The following XKR9 variants were observed in gnomAD, a reference collection of about 807,000 sequenced individuals.
XKR9 encodes XK related 9.
XKR9 carries 32 observed loss-of-function variants against 32.0 expected under a neutral mutation model. That is an observed-to-expected ratio of 1.00 (90% CI 0.76 to 1.34). The LOEUF (loss-of-function observed/expected upper bound fraction) is 1.34. Ranked by LOEUF, XKR9 falls within the 40% of genes most tolerant of loss-of-function variation. The probability of loss-of-function intolerance (pLI) is 0.00; values close to 1 mark genes in which losing one functional copy is unlikely to be tolerated. For synonymous variants in XKR9, 168 were observed against 143.4 expected (o/e 1.17, Z -1.22); for missense variants, 546 against 429.7 (o/e 1.27, Z -2.39).
At chr8:70,886,218 A>G in the XKR9 span, among the ~76,000 whole-genome samples, 17 of 152,036 alleles carry the variant, frequency 1.1e-4, no homozygotes, top group Admixed American at 9.8e-4. Flanking sequence ...AAGGACATGA[A>G]CTCATCTTTT....
the XKR9 span, among the ~76,000 whole-genome samples, chr8:70,965,384 A>G: frequency 6.6e-6 from 1 of 152,172 alleles, no homozygotes; most frequent in Non-Finnish European, 1.5e-5. Context: ...GTTGATGTTT[A>G]TCAGAGATAT....
the XKR9 span, among the ~76,000 whole-genome samples, chr8:71,056,934 A>T: frequency 6.6e-6 from 1 of 152,212 alleles, no homozygotes; most frequent in Non-Finnish European, 1.5e-5. Context: ...TGAGAATCTT[A>T]CTTATTATCC....
chr8:70,865,160 G>A, the XKR9 span, among the ~76,000 whole-genome samples: 48,533 of 152,018 alleles, frequency 0.32, 9,107 homozygotes, highest in Non-Finnish European at 0.43. Flanking sequence ...ATTTGCTAGT[G>A]AAGAGTTTAC....
chr8:70,859,038 C>A, the XKR9 span, among the ~76,000 whole-genome samples: 1 of 151,894 alleles, frequency 6.6e-6, no homozygotes, highest in East Asian at 1.9e-4. Flanking sequence ...TTCTGCACAG[C>A]AAAGGAAACA....
chr8:70,804,853 G>A, the XKR9 span, among the ~76,000 whole-genome samples: 2 of 152,056 alleles, frequency 1.3e-5, no homozygotes, highest in African/African-American at 4.8e-5. Flanking sequence ...TTTTGGATTG[G>A]TAAAATCAAT....
At chr8:70,790,421 TAGTC>T (rs1807749912), downstream of XKR9, 1 of 152,150 alleles carries the variant, frequency 6.6e-6, no homozygotes, top group African/African-American at 2.4e-5. Flanking sequence ...ATTTTGTACT[TAGTC>T]ATTCTCATTT....
the XKR9 span, among the ~76,000 whole-genome samples, chr8:70,926,512 T>C: frequency 6.6e-6 from 1 of 152,236 alleles, no homozygotes; most frequent in Non-Finnish European, 1.5e-5. Context: ...TTATAAAATA[T>C]TTATGATGCT....
the XKR9 span, among the ~76,000 whole-genome samples, chr8:70,841,710 C>G: frequency 7.9e-5 from 12 of 152,062 alleles, no homozygotes; most frequent in Non-Finnish European, 1.8e-4. Context: ...CAAATGTTTC[C>G]CCATGATCAG....
the XKR9 span, among the ~76,000 whole-genome samples, chr8:70,838,047 C>T: frequency 6.6e-6 from 1 of 152,022 alleles, no homozygotes. Flanking sequence ...CCATTAGTGG[C>T]AAAAGTTTTT....
the XKR9 span, among the ~76,000 whole-genome samples, chr8:70,919,421 C>T: frequency 6.6e-6 from 1 of 151,750 alleles, no homozygotes. Context: ...TTGCCAAGGG[C>T]AAAAATATTA....
intron 3 of XKR9, among the ~76,000 whole-genome samples, chr8:70,685,675 AT>A (rs1336420164): frequency 9.9e-5 from 14 of 141,194 alleles, no homozygotes; most frequent in Non-Finnish European, 1.8e-4. Flanking sequence ...ATAGGTGGGA[AT>A]TGAACAATGA....
intron 3 of XKR9, among the ~76,000 whole-genome samples, chr8:70,695,169 ATT>A (rs200342538): frequency 3.5e-5 from 5 of 144,738 alleles, no homozygotes; most frequent in Middle Eastern, 3.2e-3. Context: ...TTTTAAAAAA[ATT>A]TTTTTTTATT....
At chr8:70,946,877 A>C in the XKR9 span, among the ~76,000 whole-genome samples, 6 of 152,196 alleles carry the variant, frequency 3.9e-5, no homozygotes, top group African/African-American at 1.4e-4. Flanking sequence ...AGGACTCTTG[A>C]GAATGGGATA....
the XKR9 span, among the ~76,000 whole-genome samples, chr8:70,962,330 C>T: frequency 6.6e-6 from 1 of 151,930 alleles, no homozygotes; most frequent in Non-Finnish European, 1.5e-5. Flanking sequence ...CACCCAGTAC[C>T]CAATAGTTTT....
chr8:70,957,177 A>G, the XKR9 span, among the ~76,000 whole-genome samples: 2 of 152,114 alleles, frequency 1.3e-5, no homozygotes, highest in African/African-American at 2.4e-5. Flanking sequence ...TTTTTATTTT[A>G]ATTTTTTTAG....
At chr8:70,846,930 C>G in the XKR9 span, among the ~76,000 whole-genome samples, 2 of 151,992 alleles carry the variant, frequency 1.3e-5, no homozygotes, top group African/African-American at 4.8e-5. Flanking sequence ...GACAAATCAT[C>G]TAGACAGAAA....
chr8:70,940,487 T>C, the XKR9 span, among the ~76,000 whole-genome samples: 1 of 152,246 alleles, frequency 6.6e-6, no homozygotes, highest in Non-Finnish European at 1.5e-5. Context: ...TAATCTCATA[T>C]GCAAGACAGG....
the XKR9 span, among the ~76,000 whole-genome samples, chr8:70,815,902 AT>A: frequency 1.3e-5 from 2 of 152,088 alleles, no homozygotes; most frequent in Non-Finnish European, 2.9e-5. Flanking sequence ...ATTGATGGGC[AT>A]TTAAGTTGAT....
chr8:71,022,483 T>C, the XKR9 span, among the ~76,000 whole-genome samples: 1 of 152,212 alleles, frequency 6.6e-6, no homozygotes, highest in Non-Finnish European at 1.5e-5. Context: ...TGCTGAGAAA[T>C]ACACTGCTAG....
Sources: allele counts gnomAD v4.1 joint callset (sites outside exome capture counted in the v4.1 genomes callset), GRCh38; gene constraint gnomAD v4.1.1; transcripts MANE v1.5; gene names NCBI Gene and HGNC (gene_info 2026-07-23, HGNC 2026-07-21).